KANK3: variants seen among roughly 807,000 people sequenced by gnomAD.
The protein encoded by KANK3 is KN motif and ankyrin repeat domain-containing protein 3.
Under a neutral mutation model 65.4 loss-of-function variants are expected in KANK3, and 61 were observed. The observed-to-expected ratio is 0.93, with a 90% confidence interval of 0.76 to 1.15. The LOEUF (loss-of-function observed/expected upper bound fraction) is 1.15. Among genes scored for constraint, KANK3 ranks in the 50% most tolerant of loss-of-function variants. The probability of loss-of-function intolerance (pLI) is 0.00; values close to 1 mark genes in which losing one functional copy is unlikely to be tolerated. For synonymous variants in KANK3, 586 were observed against 543.3 expected (o/e 1.08, Z -1.09); for missense variants, 1,187 against 1,178.8 (o/e 1.01, Z -0.10).
chr19:8,340,291 T>TACACACACAC (rs147457593), intron 1 of KANK3, among the ~76,000 whole-genome samples: 55 of 92,708 alleles, frequency 5.9e-4, no homozygotes, highest in South Asian at 2.2e-3. Flanking sequence ...TATATATATA[T>TACACACACAC]ACACACACAC....
rs1475737408 is a variant in KANK3, at chr19:8,324,719, C to T, written c.2194G>A (p.Ala732Thr). ...VNAQDADGAT[A>T]LMCASEYGRL... ...CCATACTCACTGGCACACATCAGCG[C>T]TGTGGCCCCATCCGCATCCTGCGCA... Residue 732 changes from alanine (A) to threonine (T), a missense_variant, in exon 9 of 11, where the codon GCG becomes ACG. By Grantham distance (58) the Ala-to-Thr change is moderately conservative. This residue lies in a region of KANK3 where 1,078 missense variants were observed against 1,038.2 expected (regional missense o/e 1.04). Coordinates refer to ENST00000330915, the MANE Select transcript of KANK3 (RefSeq NM_198471.3). 2.5e-6 allele frequency: 4 copies of T among 1,614,046 alleles called. No individual in the cohort carries two copies. The highest frequency in any genetic ancestry group is 3.4e-6 in the Non-Finnish European group (4 of 1,180,024).
chr19:8,334,824 C>T lies in KANK3; in HGVS notation c.1003G>A (p.Glu335Lys). ...GCCTCGGTCACCCACGCGTCCGCCTCCACGGTCTCGGGGGCAGCCTCCACG... is the reference window on the plus strand; with the variant it reads ...GCCTCGGTCACCCACGCGTCCGCCTTCACGGTCTCGGGGGCAGCCTCCACG... ...AGVEAAPETV[E>K]ADAWVTEALL... Residue 335 changes from glutamate (E) to lysine (K), a missense_variant, in exon 3 of 11, where the codon GAG (glutamate) becomes AAG (lysine). By Grantham distance (56) the Glu-to-Lys change is moderately conservative. Around this residue, in one of 3 missense-constraint regions of KANK3, gnomAD observed 1,078 missense variants for 1,038.2 expected, o/e 1.04. Coordinates refer to ENST00000330915, the MANE Select transcript of KANK3 (RefSeq NM_198471.3). The T allele has an allele frequency of 6.7e-7, 1 of 1,490,668 alleles. No individual in the cohort carries two copies. Among genetic ancestry groups the T allele is most frequent in the South Asian group, 1.3e-5 (1 of 79,442 alleles). The allele number at this position is 1,490,668 out of a possible 1,614,324, so 92.3% of individuals were successfully genotyped here. A position where few individuals can be genotyped will look rare whatever the true frequency, so the allele number is the denominator to read the frequency against.
Position 8,324,705 on chromosome 19 carries a change from G to A in KANK3, c.2208C>T (p.Ala736=), listed in dbSNP as rs1220895670. Residue 736 remains alanine, a synonymous_variant, in exon 9 of 11, where the codon GCC becomes GCT. Transcript: ENST00000330915. ...DADGATALMC[A]SEYGRLDTVR... ...CGGTGTCCAGGCGCCCATACTCACT[G>A]GCACACATCAGCGCTGTGGCCCCAT... is the stretch of plus-strand genomic sequence containing the variant. 1 of 1,614,050 alleles carries A rather than the reference G, an allele frequency of 6.2e-7. No individual in the cohort carries two copies. Among genetic ancestry groups the A allele is most frequent in the East Asian group, 2.2e-5 (1 of 44,890 alleles).
Position 8,340,275 on chromosome 19 carries a change from C to CATATATATATATATATATATAT in KANK3, c.-28-2420_-28-2419insATATATATATATATATATATAT, listed in dbSNP as rs1555684729. 6.1e-4 allele frequency among the ~76,000 whole-genome samples: 40 copies of CATATATATATATATATATATAT among 66,048 alleles called. 1 individual carries two copies. The highest frequency in any genetic ancestry group is 2.5e-3 in the African/African-American group (36 of 14,458). The allele number at this position is 66,048 out of a possible 152,430, so 43.3% of individuals were successfully genotyped here. A position where few individuals can be genotyped will look rare whatever the true frequency, so the allele number is the denominator to read the frequency against. ...AGACTCCGTCTCAAAAAAAAAAAACCATATATATATATATATACACACACA... is the reference window on the plus strand; with the variant it reads ...AGACTCCGTCTCAAAAAAAAAAAACCATATATATATATATATATATATATATATATATATATATACACACACA... On this transcript the variant is annotated intron_variant, in intron 1 of 10. Transcript: ENST00000330915.
rs1196665241 is a variant in KANK3 at position 8,334,725 on chromosome 19, C to A, written c.1102G>T (p.Val368Leu). Residue 368 changes from valine to leucine, a missense_variant, in exon 3 of 11, where the codon GTG becomes TTG. Physicochemically the swap from Val to Leu is conservative, Grantham distance 32. This residue lies in a region of KANK3 where 1,078 missense variants were observed against 1,038.2 expected (regional missense o/e 1.04). Coordinates refer to ENST00000330915, the MANE Select transcript of KANK3 (RefSeq NM_198471.3). Reference sequence around the variant, plus strand: ...AACCGGCCCCGCAGAAGCTCACTCACCCCGCGCTGGTGCTCCAGACTGGCG... The same window carrying A: ...AACCGGCCCCGCAGAAGCTCACTCAACCCGCGCTGGTGCTCCAGACTGGCG... ...LRASLEHQRG[V>L]SELLRGRLRE... 2 of 1,530,310 alleles carry A rather than the reference C, an allele frequency of 1.3e-6. No individual in the cohort carries two copies. The highest frequency in any genetic ancestry group is 1.7e-6 in the Non-Finnish European group (2 of 1,145,356). The allele number at this position is 1,530,310 out of a possible 1,614,324, so 94.8% of individuals were successfully genotyped here. A position where few individuals can be genotyped will look rare whatever the true frequency, so the allele number is the denominator to read the frequency against.
rs1333922776 is a variant in KANK3 at position 8,335,017 on chromosome 19, G to C, written c.810C>G (p.Asp270Glu). Reference protein sequence around the residue: ...GGRARASPRADSPDGLAAGRS... With the variant: ...GGRARASPRAESPDGLAAGRS... The stretch of plus-strand genomic sequence containing the variant: ...GCCCTGCAGCCAGGCCGTCTGGGCT[G>C]TCAGCCCGGGGGCTGGCCCTGGCAC... Residue 270 changes from aspartate to glutamate, a missense_variant, in exon 3 of 11, where the codon GAC (aspartate) becomes GAG (glutamate). Around this residue, in one of 3 missense-constraint regions of KANK3, gnomAD observed 1,078 missense variants for 1,038.2 expected, o/e 1.04. Transcript: ENST00000330915. The C allele has an allele frequency of 1.4e-6, 2 of 1,458,114 alleles. No individual in the cohort carries two copies. 90.3% of individuals were successfully genotyped at this position (1,458,114 alleles called of 1,614,324 possible).
chr19:8,325,018 T>A lies in KANK3; in HGVS notation c.2015A>T (p.Glu672Val). Reference sequence around the variant, plus strand: ...CTGGACCACAGCCATGTCCTCCTCTTCCTGCCTCACAGAGGTGAGTGCAGC... The same window carrying A: ...CTGGACCACAGCCATGTCCTCCTCTACCTGCCTCACAGAGGTGAGTGCAGC... The part of the protein sequence containing the change: ...MLAALTSVRQ[E>V]EEDMAVVQRL... Residue 672 changes from glutamate to valine, a missense_variant, in exon 8 of 11, where the codon GAA becomes GTA. Glu to Val is a moderately radical substitution (Grantham distance 121, BLOSUM62 -2). This residue lies in a region of KANK3 where 1,078 missense variants were observed against 1,038.2 expected (regional missense o/e 1.04). Coordinates refer to ENST00000330915, the MANE Select transcript of KANK3 (RefSeq NM_198471.3). The A allele has an allele frequency of 6.2e-7, 1 of 1,613,854 alleles. No individual in the cohort carries two copies. Among genetic ancestry groups the A allele is most frequent in the Non-Finnish European group, 8.5e-7 (1 of 1,180,006 alleles).
At chr19:8,325,296 CTTTTTTTTTTTT>C (rs573315741) in intron 7 of KANK3, among the ~76,000 whole-genome samples, 200 bp from the exon 8 acceptor site, 2 of 78,604 alleles carry the variant, frequency 2.5e-5, no homozygotes, top group East Asian at 4.0e-4. Flanking sequence ...CCTGTTTCAT[CTTTTTTTTTTTT>C]TTTTTTTTTT....
At chr19:8,325,296 C>CTTTTTCT (rs1970406885) in intron 7 of KANK3, among the ~76,000 whole-genome samples, 200 bp from the exon 8 acceptor site, 1 of 78,604 alleles carries the variant, frequency 1.3e-5, no homozygotes, top group Non-Finnish European at 2.3e-5. Flanking sequence ...CCTGTTTCAT[C>CTTTTTCT]TTTTTTTTTT....
intron 1 of KANK3, 34 bp from the exon 2 acceptor site, chr19:8,337,890 T>A (rs1167906125): frequency 6.2e-7 from 1 of 1,610,666 alleles, no homozygotes; most frequent in Non-Finnish European, 8.5e-7. Context: ...CTGGGCGCTG[T>A]CCCTCTGGCT....
chr19:8,329,009 A>C (rs1343354174), intron 7 of KANK3, among the ~76,000 whole-genome samples: 1 of 137,350 alleles, frequency 7.3e-6, no homozygotes, highest in Non-Finnish European at 1.6e-5. Flanking sequence ...CTCTACTAAA[A>C]ATACAAAAAA....
rs931791159 is a variant in KANK3 at position 8,333,710 on chromosome 19, C to T, written c.1719+14G>A. On this transcript the variant is annotated intron_variant, in intron 6 of 10. Coordinates refer to ENST00000330915, the MANE Select transcript of KANK3 (RefSeq NM_198471.3). This position sits in a 1 kb window ranked among gnomAD's most constrained non-coding sequence, Gnocchi z 5.0. Reference sequence around the variant, plus strand: ...CCACGCCACTCCCTGGTGCTGCGCTCCCGGGGCACTCACGCCGTCGCTGGC... The same window carrying T: ...CCACGCCACTCCCTGGTGCTGCGCTTCCGGGGCACTCACGCCGTCGCTGGC... 1.4e-6 allele frequency: 2 copies of T among 1,448,772 alleles called. No individual in the cohort carries two copies. Among genetic ancestry groups the T allele is most frequent in the East Asian group, 2.6e-5 (1 of 39,080 alleles). The allele number at this position is 1,448,772 out of a possible 1,614,324, so 89.7% of individuals were successfully genotyped here. A position where few individuals can be genotyped will look rare whatever the true frequency, so the allele number is the denominator to read the frequency against.
chr19:8,323,152 G>A (rs890860117), intron 10 of KANK3: 6 of 383,722 alleles, frequency 1.6e-5, no homozygotes, highest in African/African-American at 6.3e-5. Flanking sequence ...GTTACATTCC[G>A]GTGAGTACAT....
rs573315741 is a variant in KANK3, at chr19:8,325,296, C to CTTTTTTTTTTTTTTTTTTT, written c.1937-219_1937-201dup. Among the ~76,000 whole-genome samples, 26 of 78,636 alleles carry CTTTTTTTTTTTTTTTTTTT rather than the reference C, an allele frequency of 3.3e-4. 4 individuals carry two copies. The highest frequency in any genetic ancestry group is 4.0e-4 in the Non-Finnish European group (17 of 42,648). 51.6% of individuals were successfully genotyped at this position (78,636 alleles called of 152,430 possible). A position where few individuals can be genotyped will look rare whatever the true frequency, so the allele number is the denominator to read the frequency against. ...TCAGTGAAGGACCTTCCTGTTTCAT[C>CTTTTTTTTTTTTTTTTTTT]TTTTTTTTTTTTTTTTTTTTTTTTT... On this transcript the variant is annotated intron_variant, in intron 7 of 10. Transcript: ENST00000330915.
intron 1 of KANK3, among the ~76,000 whole-genome samples, chr19:8,339,363 T>G (rs80043781): frequency 4.2e-5 from 5 of 119,152 alleles, no homozygotes; most frequent in Non-Finnish European, 1.0e-4. Flanking sequence ...CTCTTTTTGT[T>G]TTTTTTTTTT....
In KANK3 at chr19:8,337,868, G is replaced by A. The variant is rs756090298; in HGVS notation, c.-28-12C>T. 1 of 1,612,868 alleles carries A rather than the reference G, an allele frequency of 6.2e-7. No individual in the cohort carries two copies. The highest frequency in any genetic ancestry group is 1.1e-5 in the South Asian group (1 of 91,080). On this transcript the variant is annotated splice_polypyrimidine_tract_variant and intron_variant, in intron 1 of 10. Transcript: ENST00000330915. ...CTGTCAGAGGCACCCTGCAAAAGGG[G>A]TGAAGGTGGGGCTGGGCGCTGTCCC...
intron 7 of KANK3, among the ~76,000 whole-genome samples, chr19:8,326,763 C>T (rs922777048): frequency 1.6e-4 from 24 of 150,568 alleles, no homozygotes; most frequent in Non-Finnish European, 3.5e-4. Flanking sequence ...CGCCACTGCA[C>T]TCCAGCCTGG....
intron 7 of KANK3, among the ~76,000 whole-genome samples, chr19:8,328,677 G>A (rs2145419280): frequency 6.6e-6 from 1 of 152,220 alleles, no homozygotes; most frequent in East Asian, 1.9e-4. Flanking sequence ...TTGGGGAATG[G>A]GAGCCTGTGA....
intron 7 of KANK3, among the ~76,000 whole-genome samples, chr19:8,327,709 G>A (rs1022200036): frequency 3.3e-5 from 5 of 152,102 alleles, no homozygotes; most frequent in African/African-American, 4.8e-5. Flanking sequence ...TGGAAGGATC[G>A]CTTGAGCCTG....
Sources: gnomAD v4.1 joint callset for allele counts (sites outside exome capture counted in the v4.1 genomes callset) on GRCh38, gnomAD v4.1.1 for gene constraint, gnomAD v4.1.1 regional missense constraint, Gnocchi (gnomAD v3.1) non-coding constraint, MANE v1.5 for transcripts, NCBI Gene and HGNC (gene_info 2026-07-23, HGNC 2026-07-21) for gene names.